PACS1: variants seen among roughly 807,000 people sequenced by gnomAD.
PACS1 encodes the protein PACS-1.
Under a neutral mutation model 115.0 loss-of-function variants are expected in PACS1, and 24 were observed. The ratio of observed to expected loss-of-function variants is 0.21; its 90% CI spans 0.15 to 0.29. PACS1 has a LOEUF of 0.29. Among genes scored for constraint, PACS1 ranks in the 10% least tolerant of loss-of-function variants. The pLI is 1.00. For missense variants in PACS1, 838 were observed against 1,251.2 expected (o/e 0.67, Z 4.98); for synonymous variants, 453 against 504.5 (o/e 0.90, Z 1.37).
At chr11:66,123,614 C>G (rs964370736) in intron 1 of PACS1, among the ~76,000 whole-genome samples, 1 of 151,178 alleles carries the variant, frequency 6.6e-6, no homozygotes, top group African/African-American at 2.4e-5. Flanking sequence ...CTCCACCTAC[C>G]GGGTTCATGC....
chr11:66,105,855 C>G (rs917099908), intron 1 of PACS1, among the ~76,000 whole-genome samples: 1 of 152,102 alleles, frequency 6.6e-6, no homozygotes, highest in Admixed American at 6.5e-5. Context: ...AGGAGTATGC[C>G]TATAAGCATC....
chr11:66,221,290 T>C (rs1855340501), intron 10 of PACS1, 43 bp downstream of exon 10: 1 of 1,540,480 alleles, frequency 6.5e-7, no homozygotes, highest in Non-Finnish European at 9.0e-7. Context: ...GACCGTGGCA[T>C]GTCAGGGCTC....
intron 9 of PACS1, 35 bp downstream of exon 9, chr11:66,220,826 C>G (rs1318750605): frequency 8.1e-6 from 13 of 1,604,828 alleles, no homozygotes; most frequent in African/African-American, 2.7e-5. Context: ...CCTCCAGACT[C>G]TCCTTCCTGG....
intron 2 of PACS1, among the ~76,000 whole-genome samples, chr11:66,208,959 T>A (rs369471072): frequency 1.3e-5 from 2 of 152,306 alleles, no homozygotes; most frequent in East Asian, 3.9e-4. Flanking sequence ...GTATTAATTT[T>A]AAAACTGATT....
At chr11:66,125,798 G>T (rs1858557003) in intron 1 of PACS1, among the ~76,000 whole-genome samples, 1 of 152,188 alleles carries the variant, frequency 6.6e-6, no homozygotes, top group Admixed American at 6.5e-5. Flanking sequence ...CCAGCACTTT[G>T]GGAGGCCGAG....
At chr11:66,222,806 T>TAAG (rs1855381216) in intron 10 of PACS1, among the ~76,000 whole-genome samples, 2 of 152,086 alleles carry the variant, frequency 1.3e-5, no homozygotes. Context: ...GGAAACCACC[T>TAAG]TCTCTTGGGG....
In PACS1 at chr11:66,166,178, T is replaced by TA. The variant is rs568139725; in HGVS notation, c.357-27307dup. Among the ~76,000 whole-genome samples the TA allele has an allele frequency of 7.0e-3, 1,060 of 152,188 alleles. 11 individuals carry two copies. Among genetic ancestry groups the TA allele is most frequent in the African/African-American group, 0.024 (979 of 41,510 alleles). Reference sequence around the variant, plus strand: ...TTGTTTTGTTTTTGAGACAGAGTCTTACTCTGTCACCCAGGCTGCAGTGCA... The same window carrying TA: ...TTGTTTTGTTTTTGAGACAGAGTCTTAACTCTGTCACCCAGGCTGCAGTGCA... On this transcript the variant is annotated intron_variant, in intron 1 of 23. Coordinates refer to ENST00000320580, the MANE Select transcript of PACS1 (RefSeq NM_018026.4).
rs1855658588 is a variant in PACS1, at chr11:66,234,113, C to G, written c.1994-19C>G. 1 of 1,585,664 alleles carries G rather than the reference C, an allele frequency of 6.3e-7. No individual in the cohort carries two copies. The highest frequency in any genetic ancestry group is 8.7e-7 in the Non-Finnish European group (1 of 1,153,982). ...TCATCTCCTGACGAATTCACCACCT[C>G]TGGTTTTCCATCTACCAGGTTCTCA... On this transcript the variant is annotated intron_variant, in intron 16 of 23. Transcript: ENST00000320580.
chr11:66,137,481 A>G (rs536612328), intron 1 of PACS1, among the ~76,000 whole-genome samples: 3 of 152,284 alleles, frequency 2.0e-5, no homozygotes, highest in African/African-American at 4.8e-5. Context: ...TTTATTTCCA[A>G]GCAAACCACC....
intron 1 of PACS1, among the ~76,000 whole-genome samples, chr11:66,101,303 C>T (rs1420749027): frequency 2.6e-5 from 4 of 152,278 alleles, no homozygotes; most frequent in East Asian, 1.9e-4. Context: ...CTCATGTATG[C>T]GTCCGTTCAT....
chr11:66,221,192 C>A lies in PACS1; in HGVS notation c.1238C>A (p.Thr413Lys). The A allele has an allele frequency of 6.2e-7, 1 of 1,614,192 alleles. No homozygotes were observed. The highest frequency in any genetic ancestry group is 8.5e-7 in the Non-Finnish European group (1 of 1,180,032). ...FEGMSQSSSQ[T>K]EIGSLNSKGS... ...GGGATGTCGCAGTCCAGCTCCCAGACGGAGATTGGCAGCCTCAACAGCAAA... is the reference window on the plus strand; with the variant it reads ...GGGATGTCGCAGTCCAGCTCCCAGAAGGAGATTGGCAGCCTCAACAGCAAA... Residue 413 changes from threonine (T) to lysine (K), a missense_variant, in exon 10 of 24, where the codon ACG (threonine) becomes AAG (lysine). Physicochemically the swap from Thr to Lys is moderately conservative, Grantham distance 78. This residue lies in a region of PACS1 where 383 missense variants were observed against 537.0 expected (regional missense o/e 0.71). Transcript: ENST00000320580.
intron 10 of PACS1, among the ~76,000 whole-genome samples, chr11:66,222,856 G>T (rs1163757570): frequency 4.6e-5 from 7 of 151,854 alleles, no homozygotes; most frequent in African/African-American, 1.7e-4. Context: ...CACCAGGTGG[G>T]GCTCTCTCCC....
intron 1 of PACS1, among the ~76,000 whole-genome samples, chr11:66,111,738 C>T (rs184895157): frequency 2.7e-4 from 41 of 152,320 alleles, no homozygotes; most frequent in African/African-American, 9.1e-4. Flanking sequence ...CAACCTCCAC[C>T]TCCCGGGTTC....
chr11:66,134,946 C>T (rs909745141), intron 1 of PACS1, among the ~76,000 whole-genome samples: 1 of 152,172 alleles, frequency 6.6e-6, no homozygotes, highest in Non-Finnish European at 1.5e-5. Flanking sequence ...TGCAGTGGCT[C>T]ACGCCTGTAA....
intron 1 of PACS1, among the ~76,000 whole-genome samples, chr11:66,103,638 G>T (rs931975972): frequency 1.3e-5 from 2 of 149,782 alleles, no homozygotes; most frequent in Admixed American, 6.7e-5. Flanking sequence ...AGCCTCCCCA[G>T]TAGCTGGGAT....
chr11:66,073,658 A>G (rs553245088), intron 1 of PACS1, among the ~76,000 whole-genome samples: 10 of 152,328 alleles, frequency 6.6e-5, no homozygotes, highest in African/African-American at 2.2e-4. Context: ...CCCAGAATAC[A>G]TAGTACTTTT....
In PACS1 at chr11:66,242,899, G is replaced by C. The variant is rs1855844911; in HGVS notation, c.2657-13G>C. 6.2e-7 allele frequency: 1 copy of C among 1,613,836 alleles called. No homozygotes were observed. Among genetic ancestry groups the C allele is most frequent in the Non-Finnish European group, 8.5e-7 (1 of 1,179,922 alleles). On this transcript the variant is annotated splice_polypyrimidine_tract_variant and intron_variant, in intron 22 of 23. Transcript: ENST00000320580. ...CAGGGGCTGGGACACAGGTGGCCTT[G>C]CTTGCTTTCCAGTTCCCACCATCTT...
rs77931569 is a variant in PACS1 at position 66,078,087 on chromosome 11, G to A, written c.356+7245G>A. On this transcript the variant is annotated intron_variant, in intron 1 of 23. Coordinates refer to ENST00000320580, the MANE Select transcript of PACS1 (RefSeq NM_018026.4). Reference sequence around the variant, plus strand: ...ACAATTTTTCTGAATCTCAAATATCGTTCTTCCTCTTTTCTCCTTGTGAGT... The same window carrying A: ...ACAATTTTTCTGAATCTCAAATATCATTCTTCCTCTTTTCTCCTTGTGAGT... Among the ~76,000 whole-genome samples, 696 of 152,220 alleles carry A rather than the reference G, an allele frequency of 4.6e-3. 42 individuals are homozygous for A. In the East Asian group the frequency reaches 0.12, roughly 26 times the overall value.
At chr11:66,101,434 A>G (rs1331988878) in intron 1 of PACS1, among the ~76,000 whole-genome samples, 3 of 152,186 alleles carry the variant, frequency 2.0e-5, no homozygotes, top group Non-Finnish European at 4.4e-5. Flanking sequence ...GTTTTTCTGA[A>G]CACCTTGGAG....
Sources: gnomAD v4.1 joint callset for allele counts (sites outside exome capture counted in the v4.1 genomes callset) on GRCh38, gnomAD v4.1.1 for gene constraint, gnomAD v4.1.1 regional missense constraint, MANE v1.5 for transcripts, NCBI Gene and HGNC (gene_info 2026-07-23, HGNC 2026-07-21) for gene names.